KANK1: variants seen among roughly 807,000 people sequenced by gnomAD.
KANK1 encodes the protein KN motif and ankyrin repeat domain-containing protein 1.
A neutral mutation model predicts 106.2 loss-of-function variants in KANK1; 109 were observed. That is an observed-to-expected ratio of 1.03 (90% CI 0.88 to 1.20). KANK1 has a LOEUF of 1.20. Among genes scored for constraint, KANK1 ranks in the 50% most tolerant of loss-of-function variants. The pLI is 0.00. For synonymous variants in KANK1, 873 were observed against 652.2 expected (o/e 1.34, Z -5.16); for missense variants, 2,399 against 1,710.7 (o/e 1.40, Z -7.10).
At chr9:521,843 C>T (rs1419988083) in intron 1 of KANK1, among the ~76,000 whole-genome samples, 1 of 151,698 alleles carries the variant, frequency 6.6e-6, no homozygotes, top group Non-Finnish European at 1.5e-5. Context: ...GCTGGGATTA[C>T]AGGCATGAGC....
Position 732,548 on chromosome 9 carries a change from A to G in KANK1, c.3176A>G (p.Lys1059Arg). The G allele has an allele frequency of 6.2e-7, 1 of 1,614,160 alleles. No individual in the cohort carries two copies. The change falls in exon 6 of 12, where the codon AAG (lysine) becomes AGG (arginine). Residue 1059 changes from lysine to arginine, a missense_variant. Lys to Arg is a conservative substitution (Grantham distance 26, BLOSUM62 2). Transcript: ENST00000382297. Reference sequence around the variant, plus strand: ...CATGCAGTTAATATTGAAGGTTTGAAGTCTGCCAGGGTGGAAGATGAAATG... The same window carrying G: ...CATGCAGTTAATATTGAAGGTTTGAGGTCTGCCAGGGTGGAAGATGAAATG... ...GHHAVNIEGL[K>R]SARVEDEMQV... is the part of the protein sequence containing the mutation.
chr9:487,697 G>C (rs1284970146), intron 3 of KANK1: 4 of 152,164 alleles, frequency 2.6e-5, no homozygotes, highest in Admixed American at 1.3e-4. Context: ...TATTGGGAGG[G>C]GTAGATAACT....
At chr9:486,399 G>T (rs953522857) in intron 3 of KANK1, among the ~76,000 whole-genome samples, 1 of 152,118 alleles carries the variant, frequency 6.6e-6, no homozygotes, top group African/African-American at 2.4e-5. Flanking sequence ...TGTTTACTAT[G>T]TGTCAGACCT....
chr9:616,996 A>G (rs1409107370), intron 1 of KANK1, among the ~76,000 whole-genome samples: 1 of 152,188 alleles, frequency 6.6e-6, no homozygotes, highest in Admixed American at 6.5e-5. Flanking sequence ...GTGAATAGTA[A>G]TGTAATCTAC....
At chr9:513,431 T>A (rs943089619) in intron 1 of KANK1, among the ~76,000 whole-genome samples, 1 of 146,240 alleles carries the variant, frequency 6.8e-6, no homozygotes, top group Admixed American at 6.6e-5. Flanking sequence ...GGGTTTTTTC[T>A]TTTTTTGGAT....
intron 3 of KANK1, among the ~76,000 whole-genome samples, chr9:495,968 AACACACAC>A (rs33961058): frequency 6.7e-6 from 1 of 149,642 alleles, no homozygotes; most frequent in Middle Eastern, 3.2e-3. Flanking sequence ...AGCATAATTA[AACACACAC>A]ACACACACAC....
chr9:544,519 C>T (rs9408628), intron 1 of KANK1, among the ~76,000 whole-genome samples: 9,104 of 152,210 alleles, frequency 0.06, 308 homozygotes, highest in South Asian at 0.083. Flanking sequence ...GGCCAACAAA[C>T]ACTATGTGGA....
In KANK1 at chr9:512,249, G is replaced by GTGTGTGTGTGTGTGTGTGTATA. The variant is rs370159663; in HGVS notation, c.-84+7496_-84+7497insGTGTGTGTGTGTGTGTGTATAT. Among the ~76,000 whole-genome samples, 390 of 149,614 alleles carry GTGTGTGTGTGTGTGTGTGTATA rather than the reference G, an allele frequency of 2.6e-3. 2 individuals carry two copies. The highest frequency in any genetic ancestry group is 9.1e-3 in the African/African-American group (364 of 40,080). On this transcript the variant is annotated intron_variant, in intron 1 of 11. Coordinates refer to ENST00000382297, the MANE Select transcript of KANK1 (RefSeq NM_015158.5). ...ACCAATAGTGTGTGTGTGTGTGTGT[G>GTGTGTGTGTGTGTGTGTGTATA]TATGTATATACACACACACAAGATT...
intron 1 of KANK1, among the ~76,000 whole-genome samples, chr9:635,006 C>T (rs554722614): frequency 8.3e-4 from 127 of 152,234 alleles, no homozygotes; most frequent in African/African-American, 2.5e-3. Flanking sequence ...CATTTCCAGA[C>T]GCACCCTAGA....
intron 1 of KANK1, among the ~76,000 whole-genome samples, chr9:506,687 C>G (rs2058773682): frequency 1.3e-5 from 2 of 152,184 alleles, no homozygotes; most frequent in African/African-American, 4.8e-5. Flanking sequence ...TTGATACATT[C>G]AAGACTAGTT....
At chr9:543,575 A>C (rs2060742703) in intron 1 of KANK1, among the ~76,000 whole-genome samples, 1 of 151,968 alleles carries the variant, frequency 6.6e-6, no homozygotes, top group African/African-American at 2.4e-5. Flanking sequence ...AAAAAAAAAA[A>C]AAAATTGAAA....
At chr9:591,705 G>A (rs1317380592) in intron 1 of KANK1, among the ~76,000 whole-genome samples, 1 of 151,800 alleles carries the variant, frequency 6.6e-6, no homozygotes, top group East Asian at 1.9e-4. Flanking sequence ...CGCCTAGGCT[G>A]GAGTTCTGTG....
Position 477,573 on chromosome 9 carries a change from TAG to T in KANK1, c.-362+4304_-362+4305del, listed in dbSNP as rs577558835. Among the ~76,000 whole-genome samples, 884 of 152,242 alleles carry T rather than the reference TAG, an allele frequency of 5.8e-3. 5 individuals carry two copies. Among genetic ancestry groups the T allele is most frequent in the Middle Eastern group, 0.017 (5 of 294 alleles). On this transcript the variant is annotated intron_variant, in intron 3 of 15. Transcript: ENST00000382303. The stretch of plus-strand genomic sequence containing the variant: ...AAGGGAATGTCAGGGGAAGAAAAGA[TAG>T]AGATTAAAGGGGAAAAGTGAGTTTT...
intron 2 of KANK1, among the ~76,000 whole-genome samples, chr9:678,518 C>T (rs1215056984): frequency 6.6e-6 from 1 of 152,020 alleles, no homozygotes; most frequent in African/African-American, 2.4e-5. Context: ...CACCCAAGGT[C>T]GGTAGTTCAA....
intron 3 of KANK1, among the ~76,000 whole-genome samples, chr9:492,752 C>T (rs548119160): frequency 2.0e-5 from 3 of 151,960 alleles, no homozygotes; most frequent in Non-Finnish European, 2.9e-5. Flanking sequence ...TGGCCAGGTG[C>T]GGTGTCATAT....
intron 1 of KANK1, among the ~76,000 whole-genome samples, chr9:661,169 C>A (rs140654158): frequency 0.024 from 3,713 of 152,142 alleles, 166 homozygotes; most frequent in African/African-American, 0.086. Context: ...TACATGTGCA[C>A]AACATGCAGG....
intron 1 of KANK1, among the ~76,000 whole-genome samples, chr9:577,827 G>T (rs967469923): frequency 1.3e-5 from 2 of 152,160 alleles, no homozygotes; most frequent in African/African-American, 4.8e-5. Context: ...TGAGAAGTAG[G>T]ATTTTAAAAT....
At chr9:491,661 G>A (rs2058379377) in intron 3 of KANK1, among the ~76,000 whole-genome samples, 1 of 152,156 alleles carries the variant, frequency 6.6e-6, no homozygotes, top group South Asian at 2.1e-4. Context: ...CTGATTTGGG[G>A]CGAGAAAAGG....
intron 1 of KANK1, among the ~76,000 whole-genome samples, chr9:512,110 T>C (rs2059055160): frequency 6.6e-6 from 1 of 152,190 alleles, no homozygotes; most frequent in Non-Finnish European, 1.5e-5. Context: ...TTCATTTGTC[T>C]TCATGGCAAC....
Sources: allele counts gnomAD v4.1 joint callset (sites outside exome capture counted in the v4.1 genomes callset), GRCh38; gene constraint gnomAD v4.1.1; transcripts MANE v1.5; gene names NCBI Gene and HGNC (gene_info 2026-07-23, HGNC 2026-07-21).